AARS1: variants seen among roughly 807,000 people sequenced by gnomAD.
AARS1 encodes the protein alanyl-tRNA synthetase 1, also known as alanine--tRNA ligase, cytoplasmic.
In AARS1, 72 loss-of-function variants were observed where a neutral mutation model predicts 108.9. That is an observed-to-expected ratio of 0.66 (90% CI 0.55 to 0.80). The LOEUF (loss-of-function observed/expected upper bound fraction) is 0.80, where lower values mean the gene tolerates loss of function less well. Ranked by LOEUF, AARS1 falls within the 30% of genes least tolerant of loss-of-function variation. The probability of loss-of-function intolerance (pLI) is 0.00; values close to 1 mark genes in which losing one functional copy is unlikely to be tolerated. For missense variants in AARS1, 1,193 were observed against 1,233.2 expected (o/e 0.97, Z 0.49); for synonymous variants, 489 against 465.7 (o/e 1.05, Z -0.64).
intron 19 of AARS1, 69 bp downstream of exon 19, chr16:70,253,645 C>G: frequency 6.5e-7 from 1 of 1,549,334 alleles, no homozygotes; most frequent in Non-Finnish European, 8.9e-7. Flanking sequence ...CTCAGAGCCA[C>G]AGAGGCCACA....
intron 12 of AARS1, 185 bp from the exon 13 acceptor site, chr16:70,261,342 T>G: frequency 2.2e-6 from 1 of 450,908 alleles, no homozygotes; most frequent in East Asian, 4.9e-5. Flanking sequence ...ATGACTGTAA[T>G]CCCAGCACTT....
intron 11 of AARS1, among the ~76,000 whole-genome samples, chr16:70,262,764 C>T (rs939866864): frequency 2.0e-5 from 3 of 151,658 alleles, no homozygotes; most frequent in East Asian, 1.9e-4. Flanking sequence ...GTCAAGAGAT[C>T]GAGACCATCC....
intron 2 of AARS1, among the ~76,000 whole-genome samples, chr16:70,279,722 G>A (rs1960649472): frequency 6.7e-6 from 1 of 150,314 alleles, no homozygotes; most frequent in East Asian, 2.0e-4. Context: ...CCTGGTTCTT[G>A]TTCAGGCGGC....
In AARS1 at chr16:70,255,807, G is replaced by A. The variant is rs879254073; in HGVS notation, c.2207C>T (p.Ala736Val). The change falls in exon 16 of 21, where the codon GCT becomes GTT. Residue 736 changes from alanine (A) to valine (V), a missense_variant. Transcript: ENST00000261772. ...GGCTTCTTCCGTCACGATCACAAAA[G>A]CTCCTGCATGACTCGAGTTCCGCAG... ...THLRNSSHAGAFVIVTEEAIA... is the reference protein window; with the variant it reads ...THLRNSSHAGVFVIVTEEAIA... 6.2e-7 allele frequency: 1 copy of A among 1,613,996 alleles called. No homozygotes were observed.
rs147266044 is a variant in AARS1, at chr16:70,288,061, G to A, written c.-22+1360C>T. 6.3e-3 allele frequency among the ~76,000 whole-genome samples: 937 copies of A among 149,908 alleles called. 8 individuals are homozygous for A. Among genetic ancestry groups the A allele is most frequent in the Non-Finnish European group, 0.01 (701 of 67,652 alleles). ...ATTACAGGGGTGAGCTACCGCGCCC[G>A]GCCAAGACACTTATTTAAGACAGCC... On this transcript the variant is annotated intron_variant, in intron 1 of 20. Transcript: ENST00000261772.
rs1567601605 is a variant in AARS1 at position 70,255,193 on chromosome 16, C to CTTTTTTTTT, written c.2287-460_2287-459insAAAAAAAAA. ...AGGAGGGGGTAGATGGCCAGATTCA[C>CTTTTTTTTT]ATTTTTTTTTTTTTTTTTTTTTTGG... is the stretch of plus-strand genomic sequence containing the variant. On this transcript the variant is annotated intron_variant, in intron 16 of 20. Transcript: ENST00000261772. Among the ~76,000 whole-genome samples, 55 of 124,728 alleles carry CTTTTTTTTT rather than the reference C, an allele frequency of 4.4e-4. 3 individuals are homozygous for CTTTTTTTTT. Among genetic ancestry groups the CTTTTTTTTT allele is most frequent in the African/African-American group, 1.7e-3 (54 of 31,458 alleles). The allele number at this position is 124,728 out of a possible 152,430, so 81.8% of individuals were successfully genotyped here.
In AARS1 at chr16:70,255,737, C is replaced by T; in HGVS notation, c.2277G>A (p.Glu759=). The change falls in exon 16 of 21, where the codon GAG becomes GAA. Residue 759 remains glutamate, a synonymous_variant. Transcript: ENST00000261772. ...AGCCTGACCTGCTCACCTTCTGGGC[C>T]TCGGCACCTGTGACAGCCACAATCC... The part of the protein sequence containing the change: ...IRRIVAVTGA[E]AQKALRKAES... The T allele has an allele frequency of 6.2e-7, 1 of 1,614,162 alleles. No homozygotes were observed. Among genetic ancestry groups the T allele is most frequent in the Non-Finnish European group, 8.5e-7 (1 of 1,180,014 alleles).
chr16:70,280,239 C>T (rs558307817), intron 2 of AARS1, among the ~76,000 whole-genome samples: 16 of 152,160 alleles, frequency 1.1e-4, no homozygotes, highest in East Asian at 3.9e-4. Context: ...TTTTTTGAGA[C>T]GGAGTCTCAC....
intron 11 of AARS1, among the ~76,000 whole-genome samples, chr16:70,264,014 AAGGCAGGCAGATCATG>A (rs1311403195): frequency 2.0e-5 from 3 of 151,912 alleles, no homozygotes; most frequent in Non-Finnish European, 4.4e-5. Context: ...TTGGGAGGCC[AAGGCAGGCAGATCATG>A]AGGTCAGGAG....
chr16:70,253,675 G>A (rs761440855), intron 19 of AARS1, 39 bp downstream of exon 19: 2 of 1,601,154 alleles, frequency 1.2e-6, no homozygotes, highest in Admixed American at 1.7e-5. Flanking sequence ...CCAGAGAGCT[G>A]ATGAGCCCTA....
In AARS1 at chr16:70,259,050, T is replaced by C. The variant is rs1295970458; in HGVS notation, c.1922A>G (p.Lys641Arg). 5.0e-6 allele frequency: 8 copies of C among 1,614,166 alleles called. No homozygotes were observed. The highest frequency in any genetic ancestry group is 1.1e-5 in the South Asian group (1 of 91,084). Reference sequence around the variant, plus strand: ...GATCTGTTGGGTGGACATGGCTCCCTTGGCAGTAAAGTCAAATCTGAGGCG... The same window carrying C: ...GATCTGTTGGGTGGACATGGCTCCCCTGGCAGTAAAGTCAAATCTGAGGCG... ...PDRLRFDFTA[K>R]GAMSTQQIKK... The change falls in exon 14 of 21, where the codon AAG becomes AGG. Residue 641 changes from lysine to arginine, a missense_variant. By Grantham distance (26) the Lys-to-Arg change is conservative. Transcript: ENST00000261772.
intron 11 of AARS1, 150 bp downstream of exon 11, chr16:70,264,808 A>G (rs1026395048): frequency 2.2e-6 from 2 of 895,756 alleles, no homozygotes; most frequent in East Asian, 2.7e-5. Flanking sequence ...AAGGGTGCCT[A>G]TGTGTATAAA....
intron 9 of AARS1, among the ~76,000 whole-genome samples, chr16:70,267,238 G>GA (rs1251349220): frequency 6.6e-6 from 1 of 152,124 alleles, no homozygotes; most frequent in African/African-American, 2.4e-5. Context: ...GGAAACTGGG[G>GA]AGAAAATCTT....
At position 70,268,405 on chromosome 16, in the gene AARS1, A is replaced by G; in HGVS notation, c.963-26T>C. ...CTGTAAGAGGCAAAAACTAGTCCCC[A>G]ACGTTCCCAGCTGAGGGTTTTGTCT... On this transcript the variant is annotated intron_variant, in intron 7 of 20. Transcript: ENST00000261772. The G allele has an allele frequency of 2.5e-6, 4 of 1,602,238 alleles. No individual in the cohort carries two copies. The South Asian group carries it at 3.3e-5, about 13-fold the overall frequency.
intron 4 of AARS1, among the ~76,000 whole-genome samples, chr16:70,273,447 G>A (rs1425583737): frequency 6.6e-6 from 1 of 152,154 alleles, no homozygotes. Context: ...GCTAGGCACA[G>A]TGGCTCATAT....
intron 5 of AARS1, 24 bp from the exon 6 acceptor site, chr16:70,270,364 G>C: frequency 6.2e-7 from 1 of 1,614,110 alleles, no homozygotes; most frequent in African/African-American, 1.3e-5. Flanking sequence ...AAGAAGAGGA[G>C]GTTGAAGCAG....
At chr16:70,253,613 G>A in intron 19 of AARS1, 101 bp downstream of exon 19, 2 of 1,347,950 alleles carry the variant, frequency 1.5e-6, no homozygotes, top group Non-Finnish European at 2.1e-6. Context: ...CCCAGACCGT[G>A]GGCCCTTAGG....
intron 1 of AARS1, among the ~76,000 whole-genome samples, chr16:70,287,961 C>T (rs1020247620): frequency 6.6e-6 from 1 of 151,904 alleles, no homozygotes; most frequent in African/African-American, 2.4e-5. Context: ...GACGGGGTTT[C>T]TCCATGTTGG....
chr16:70,274,921 A>C (rs66627085), intron 4 of AARS1, among the ~76,000 whole-genome samples: 44,084 of 151,302 alleles, frequency 0.29, 8,015 homozygotes, highest in Non-Finnish European at 0.39. Flanking sequence ...GTAACTTTTA[A>C]AACTATATAA....
Sources: gnomAD v4.1 joint callset for allele counts (sites outside exome capture counted in the v4.1 genomes callset) on GRCh38, gnomAD v4.1.1 for gene constraint, MANE v1.5 for transcripts, NCBI Gene and HGNC (gene_info 2026-07-23, HGNC 2026-07-21) for gene names.